Variants in LEPR observed in about 807,000 individuals in gnomAD.
LEPR encodes the protein OB receptor.
In LEPR, 56 loss-of-function variants were observed where a neutral mutation model predicts 114.7. The ratio of observed to expected loss-of-function variants is 0.49; its 90% confidence interval spans 0.39 to 0.61. The LOEUF is 0.61. Among genes scored for constraint, LEPR ranks in the 20% least tolerant of loss-of-function variants. LEPR has a pLI of 0.00. For missense variants in LEPR, 1,202 were observed against 1,352.9 expected (o/e 0.89, Z 1.75); for synonymous variants, 443 against 461.4 (o/e 0.96, Z 0.51).
intron 2 of LEPR, among the ~76,000 whole-genome samples, chr1:65,534,621 A>T (rs1375776480): frequency 6.6e-6 from 1 of 152,218 alleles, no homozygotes; most frequent in Non-Finnish European, 1.5e-5. Context: ...AGCAAGGCGA[A>T]AGAGATTAGG....
At chr1:65,432,234 G>T in intron 2 of LEPR, 1 of 1,015,442 alleles carries the variant, frequency 9.8e-7, no homozygotes, top group South Asian at 4.0e-5. Context: ...GAAACCTTTT[G>T]CTTGGGGATG....
At chr1:65,624,309 T>C (rs1351249609) in intron 19 of LEPR, among the ~76,000 whole-genome samples, 1 of 152,146 alleles carries the variant, frequency 6.6e-6, no homozygotes, top group Admixed American at 6.5e-5. Context: ...ATTACTATTA[T>C]TATTCTTTCA....
At chr1:65,457,281 A>C (rs762319711) in intron 2 of LEPR, among the ~76,000 whole-genome samples, 14 of 152,140 alleles carry the variant, frequency 9.2e-5, no homozygotes, top group Non-Finnish European at 4.4e-5. Context: ...GAAAAATAGA[A>C]GTTTTTAATT....
intron 2 of LEPR, among the ~76,000 whole-genome samples, chr1:65,475,243 T>C (rs539099307): frequency 6.6e-6 from 1 of 152,322 alleles, no homozygotes; most frequent in South Asian, 2.1e-4. Flanking sequence ...CTTCCGTGTT[T>C]TCACATGCTC....
chr1:65,548,410 T>A (rs1016441886), intron 2 of LEPR, among the ~76,000 whole-genome samples: 18 of 152,172 alleles, frequency 1.2e-4, no homozygotes, highest in African/African-American at 4.3e-4. Flanking sequence ...CAGTGGGGTG[T>A]TAAAGTCTCC....
At chr1:65,445,852 C>G (rs1327772531) in intron 2 of LEPR, among the ~76,000 whole-genome samples, 1 of 152,140 alleles carries the variant, frequency 6.6e-6, no homozygotes, top group Non-Finnish European at 1.5e-5. Context: ...GTGAAACTCT[C>G]TTAACATTTT....
intron 14 of LEPR, among the ~76,000 whole-genome samples, chr1:65,612,121 G>A (rs1188454618): frequency 6.6e-6 from 1 of 152,170 alleles, no homozygotes; most frequent in African/African-American, 2.4e-5. Context: ...CTTAAACCGG[G>A]ATAAGATTTG....
At chr1:65,592,521 GTT>G (rs35783270) in intron 5 of LEPR, 134 bp from the exon 6 acceptor site, 28 of 707,274 alleles carry the variant, frequency 4.0e-5, no homozygotes, top group Non-Finnish European at 4.8e-5. Flanking sequence ...CTAATGTAGG[GTT>G]TTTTTTTTTC....
In LEPR at chr1:65,636,287, G is replaced by A. The variant is rs748293147; in HGVS notation, c.2770G>A (p.Val924Ile). ...TGAAACAATTTCAGAAGATATCAGTGTTGATACATCATGGAAAAATAAAGA... is the reference window on the plus strand; with the variant it reads ...TGAAACAATTTCAGAAGATATCAGTATTGATACATCATGGAAAAATAAAGA... ...EPETISEDIS[V>I]DTSWKNKDEM... The change falls in exon 20 of 20, where the codon GTT becomes ATT. Residue 924 changes from valine to isoleucine, a missense_variant. Coordinates refer to ENST00000349533, the MANE Select transcript of LEPR (RefSeq NM_002303.6). 11 of 1,613,838 alleles carry A rather than the reference G, an allele frequency of 6.8e-6. No individual in the cohort carries two copies. The highest frequency in any genetic ancestry group is 9.3e-6 in the Non-Finnish European group (11 of 1,179,938).
At chr1:65,463,526 G>A (rs1016873454) in intron 2 of LEPR, among the ~76,000 whole-genome samples, 5 of 152,118 alleles carry the variant, frequency 3.3e-5, no homozygotes, top group South Asian at 2.1e-4. Flanking sequence ...GGTTCCATAC[G>A]AACTTTACAG....
At chr1:65,488,201 T>TC (rs1491176078) in intron 2 of LEPR, among the ~76,000 whole-genome samples, 3 of 29,234 alleles carry the variant, frequency 1.0e-4, no homozygotes, top group Non-Finnish European at 2.2e-4. Flanking sequence ...TCTTTCTTTC[T>TC]TTCTTTCTTT....
intron 2 of LEPR, among the ~76,000 whole-genome samples, chr1:65,552,595 T>C (rs1652479452): frequency 6.6e-6 from 1 of 152,194 alleles, no homozygotes; most frequent in Admixed American, 6.5e-5. Flanking sequence ...TTTGAGCCTA[T>C]GTGTCTCACA....
chr1:65,497,522 T>C (rs1388701479), intron 2 of LEPR, among the ~76,000 whole-genome samples: 1 of 152,148 alleles, frequency 6.6e-6, no homozygotes, highest in Non-Finnish European at 1.5e-5. Flanking sequence ...TTTACATGAA[T>C]GTCAGGGTCT....
At chr1:65,443,675 T>A (rs1312341022) in intron 2 of LEPR, among the ~76,000 whole-genome samples, 1 of 152,212 alleles carries the variant, frequency 6.6e-6, no homozygotes, top group Non-Finnish European at 1.5e-5. Context: ...TTTGGAATCC[T>A]TTCTTCATAT....
intron 19 of LEPR, among the ~76,000 whole-genome samples, chr1:65,624,868 T>C (rs895102559): frequency 6.6e-6 from 1 of 152,194 alleles, no homozygotes; most frequent in African/African-American, 2.4e-5. Context: ...GGAGAAAGAA[T>C]GCCCTGTCTT....
intron 6 of LEPR, among the ~76,000 whole-genome samples, chr1:65,596,221 C>T (rs1463213979): frequency 1.3e-5 from 2 of 151,940 alleles, no homozygotes; most frequent in Admixed American, 1.3e-4. Flanking sequence ...TAGTCTTTAC[C>T]ACTTAAGGGG....
chr1:65,476,377 C>T (rs1463659542), intron 2 of LEPR, among the ~76,000 whole-genome samples: 2 of 151,866 alleles, frequency 1.3e-5, no homozygotes, highest in African/African-American at 2.4e-5. Flanking sequence ...TTTTGTGTAA[C>T]GTGCTGTACT....
chr1:65,526,952 G>A (rs1177592869), intron 2 of LEPR, among the ~76,000 whole-genome samples: 1 of 152,108 alleles, frequency 6.6e-6, no homozygotes, highest in East Asian at 1.9e-4. Context: ...CCACCAAAAG[G>A]TATAGAGAAA....
At chr1:65,613,583 C>T (rs1327989562) in intron 14 of LEPR, among the ~76,000 whole-genome samples, 1 of 118,504 alleles carries the variant, frequency 8.4e-6, no homozygotes. Context: ...GAAACCCCGT[C>T]TCTACTAAAA....
Sources: allele counts gnomAD v4.1 joint callset (sites outside exome capture counted in the v4.1 genomes callset), GRCh38; gene constraint gnomAD v4.1.1; transcripts MANE v1.5; gene names NCBI Gene and HGNC (gene_info 2026-07-23, HGNC 2026-07-21).